The following LEMD1 variants were observed in gnomAD, a reference collection of about 807,000 sequenced individuals.
LEMD1 encodes the protein LEM domain-containing protein 1.
LEMD1 carries 18 observed loss-of-function variants against 17.4 expected under a neutral mutation model. The ratio of observed to expected loss-of-function variants is 1.04; its 90% CI spans 0.72 to 1.54. The LOEUF is 1.54. Among genes scored for constraint, LEMD1 ranks in the 40% most tolerant of loss-of-function variants. LEMD1 has a pLI of 0.00. For missense variants in LEMD1, 195 were observed against 210.4 expected (o/e 0.93, Z 0.45); for synonymous variants, 88 against 77.8 (o/e 1.13, Z -0.69).
chr1:205,442,323 TAG>T (rs2102466699), intron 1 of LEMD1, among the ~76,000 whole-genome samples: 1 of 152,256 alleles, frequency 6.6e-6, no homozygotes, highest in East Asian at 1.9e-4. Context: ...CCTCAAGCAA[TAG>T]AGATTGCATA....
intron 1 of LEMD1, chr1:205,436,641 G>C (rs1179277839): frequency 6.6e-6 from 1 of 152,082 alleles, no homozygotes; most frequent in African/African-American, 2.4e-5. Flanking sequence ...CTTGCTTTTG[G>C]GTCAGAGAGA....
chr1:205,411,673 A>AG (rs397982724), intron 4 of LEMD1, among the ~76,000 whole-genome samples: 3 of 80,308 alleles, frequency 3.7e-5, no homozygotes, highest in African/African-American at 4.3e-5. Context: ...AAAGAAAGAA[A>AG]AGAAAGAAAG....
At position 205,411,663 on chromosome 1, in the gene LEMD1, AAAGAAAGAAAAG is replaced by A. The variant is rs1665448120; in HGVS notation, c.270+4557_270+4568del. Among the ~76,000 whole-genome samples the A allele has an allele frequency of 1.6e-4, 22 of 135,322 alleles. No homozygotes were observed. The South Asian group carries it at 5.7e-3, about 35-fold the overall frequency. 88.8% of individuals were successfully genotyped at this position (135,322 alleles called of 152,430 possible). ...GAAAAGAGAAAGAAAGGAAAGAAAG[AAAGAAAGAAAAG>A]AAAGAAAGAAAGAAAGAAAGAAAAA... On this transcript the variant is annotated intron_variant, in intron 4 of 5. Transcript: ENST00000367153.
At chr1:205,409,127 C>A (rs577476385) in intron 4 of LEMD1, among the ~76,000 whole-genome samples, 2 of 152,302 alleles carry the variant, frequency 1.3e-5, no homozygotes, top group East Asian at 3.9e-4. Context: ...GCATAAGCCA[C>A]CAAGCCTGGC....
chr1:205,442,806 C>A (rs1323229795), intron 1 of LEMD1, among the ~76,000 whole-genome samples: 1 of 152,178 alleles, frequency 6.6e-6, no homozygotes, highest in Non-Finnish European at 1.5e-5. Context: ...GATCTATCCC[C>A]TGCAGCTATC....
chr1:205,429,045 G>A (rs1666092970), intron 1 of LEMD1, among the ~76,000 whole-genome samples: 1 of 152,218 alleles, frequency 6.6e-6, no homozygotes. Context: ...TCCACCGCCA[G>A]CCCCAGTCAA....
rs530191984 is a variant in LEMD1 at position 205,393,441 on chromosome 1, C to T, written c.271-9077G>A. Among the ~76,000 whole-genome samples, 9 of 151,630 alleles carry T rather than the reference C, an allele frequency of 5.9e-5. No homozygotes were observed. In the South Asian group the frequency reaches 1.7e-3, roughly 28 times the overall value. On this transcript the variant is annotated intron_variant, in intron 4 of 5. Coordinates refer to ENST00000367153, the MANE Select transcript of LEMD1 (RefSeq NM_001199050.2). Reference sequence around the variant, plus strand: ...CTGTAATCCCAGCACTTTGGGAGGCCGAGGTGGATGGATCACTTCAGGTTA... The same window carrying T: ...CTGTAATCCCAGCACTTTGGGAGGCTGAGGTGGATGGATCACTTCAGGTTA...
intron 4 of LEMD1, among the ~76,000 whole-genome samples, chr1:205,397,082 G>T (rs905393956): frequency 6.6e-6 from 1 of 152,092 alleles, no homozygotes; most frequent in Non-Finnish European, 1.5e-5. Flanking sequence ...TGATTGGAAG[G>T]TTCACCAAGA....
intron 3 of LEMD1, among the ~76,000 whole-genome samples, chr1:205,416,674 C>T (rs1665712224): frequency 6.6e-6 from 1 of 152,102 alleles, no homozygotes; most frequent in Non-Finnish European, 1.5e-5. Context: ...CAAAAAGGCA[C>T]CCAGGGAAGG....
At chr1:205,425,357 AGCTGGGCAGGG>A (rs1666040895), upstream of LEMD1, among the ~76,000 whole-genome samples, 1 of 152,162 alleles carries the variant, frequency 6.6e-6, no homozygotes, top group South Asian at 2.1e-4. Flanking sequence ...AGCCCATGCC[AGCTGGGCAGGG>A]GAAGTGGGGA....
intron 1 of LEMD1, chr1:205,440,501 T>C (rs192602981): frequency 2.4e-3 from 372 of 152,412 alleles, no homozygotes; most frequent in African/African-American, 8.2e-3. Flanking sequence ...GGAAGTTCTC[T>C]GCTAGAGCAG....
intron 4 of LEMD1, among the ~76,000 whole-genome samples, chr1:205,403,042 G>T (rs1443778425): frequency 6.6e-6 from 1 of 151,882 alleles, no homozygotes; most frequent in Non-Finnish European, 1.5e-5. Context: ...TGCAACCCAG[G>T]GATGAAGCCC....
upstream of LEMD1, among the ~76,000 whole-genome samples, chr1:205,425,742 T>A (rs1377780977): frequency 6.6e-6 from 1 of 152,028 alleles, no homozygotes; most frequent in African/African-American, 2.4e-5. Context: ...ATGAACAAGG[T>A]TGACAGAGGG....
At chr1:205,406,748 G>A (rs529956679) in intron 4 of LEMD1, among the ~76,000 whole-genome samples, 2 of 152,326 alleles carry the variant, frequency 1.3e-5, no homozygotes, top group South Asian at 2.1e-4. Context: ...TCCCCAGTGA[G>A]ATGAACCTGG....
chr1:205,440,568 G>A (rs1666276604), intron 1 of LEMD1: 2 of 152,272 alleles, frequency 1.3e-5, no homozygotes, highest in South Asian at 2.1e-4. Flanking sequence ...GCCTCATGCG[G>A]TTACCCTGAG....
chr1:205,439,966 T>C (rs893458289), intron 1 of LEMD1, among the ~76,000 whole-genome samples: 1 of 101,666 alleles, frequency 9.8e-6, no homozygotes, highest in Non-Finnish European at 2.0e-5. Context: ...TTGGCGGGGG[T>C]GGGGGATGAG....
chr1:205,409,325 A>G (rs1665274181), intron 4 of LEMD1, among the ~76,000 whole-genome samples: 1 of 152,198 alleles, frequency 6.6e-6, no homozygotes, highest in African/African-American at 2.4e-5. Flanking sequence ...ATTTTTCACT[A>G]AGTATGTTGT....
At chr1:205,425,172 T>G (rs1666038974), upstream of LEMD1, among the ~76,000 whole-genome samples, 1 of 152,230 alleles carries the variant, frequency 6.6e-6, no homozygotes, top group South Asian at 2.1e-4. Context: ...TTAAAAATTA[T>G]TCTGCACTTG....
chr1:205,421,040 T>A (rs926408541), intron 1 of LEMD1, among the ~76,000 whole-genome samples: 1 of 152,184 alleles, frequency 6.6e-6, no homozygotes, highest in East Asian at 1.9e-4. Context: ...CATTCAGTTA[T>A]TGCAAACAGT....
Sources: gnomAD v4.1 joint callset for allele counts (sites outside exome capture counted in the v4.1 genomes callset) on GRCh38, gnomAD v4.1.1 for gene constraint, MANE v1.5 for transcripts, NCBI Gene and HGNC (gene_info 2026-07-23, HGNC 2026-07-21) for gene names.